ZNF385D: variants seen among roughly 807,000 people sequenced by gnomAD.
ZNF385D encodes zinc finger protein 659.
ZNF385D carries 15 observed loss-of-function variants against 35.8 expected under a neutral mutation model. The ratio of observed to expected loss-of-function variants is 0.42; its 90% CI spans 0.28 to 0.64. The LOEUF (loss-of-function observed/expected upper bound fraction) is 0.64. Ranked by LOEUF, ZNF385D falls within the 30% of genes least tolerant of loss-of-function variation. The pLI, the probability that ZNF385D is intolerant of heterozygous loss-of-function variation, is 0.23. For missense variants in ZNF385D, 474 were observed against 494.6 expected (o/e 0.96, Z 0.39); for synonymous variants, 212 against 186.8 (o/e 1.13, Z -1.10).
At chr3:21,686,903 T>G (rs1332135774) in intron 1 of ZNF385D, among the ~76,000 whole-genome samples, 3 of 152,194 alleles carry the variant, frequency 2.0e-5, no homozygotes, top group Non-Finnish European at 4.4e-5. Context: ...ATACAGCCAC[T>G]AGTACTTGCT....
intron 2 of ZNF385D, among the ~76,000 whole-genome samples, chr3:22,209,367 G>C (rs1697368204): frequency 6.6e-6 from 1 of 151,946 alleles, no homozygotes; most frequent in Admixed American, 6.6e-5. Flanking sequence ...AATACAATAG[G>C]AGTTGATTCA....
chr3:22,203,844 T>A (rs1696968824), intron 2 of ZNF385D, among the ~76,000 whole-genome samples: 1 of 152,148 alleles, frequency 6.6e-6, no homozygotes, highest in South Asian at 2.1e-4. Flanking sequence ...GGTAGATTTC[T>A]GAGATTCCAA....
At chr3:22,238,243 T>C (rs1321438629) in intron 2 of ZNF385D, among the ~76,000 whole-genome samples, 1 of 151,188 alleles carries the variant, frequency 6.6e-6, no homozygotes, top group African/African-American at 2.4e-5. Flanking sequence ...AGTGCAAGTC[T>C]TCCAACTTTG....
At chr3:22,360,923 A>G (rs760516729) in intron 2 of ZNF385D, among the ~76,000 whole-genome samples, 2 of 152,134 alleles carry the variant, frequency 1.3e-5, no homozygotes, top group Middle Eastern at 3.4e-3. Flanking sequence ...ACCTTCTAAT[A>G]TTATTTGATT....
At chr3:21,979,091 A>G (rs567705677) in intron 3 of ZNF385D, among the ~76,000 whole-genome samples, 83 of 152,278 alleles carry the variant, frequency 5.5e-4, no homozygotes, top group African/African-American at 1.9e-3. Flanking sequence ...TCTCCAGTAC[A>G]TGCCAATTTT....
intron 2 of ZNF385D, among the ~76,000 whole-genome samples, chr3:22,256,881 T>C (rs1700344468): frequency 6.6e-6 from 1 of 151,912 alleles, no homozygotes; most frequent in Non-Finnish European, 1.5e-5. Flanking sequence ...AGTAAATGTA[T>C]GATGTCACAT....
intron 2 of ZNF385D, among the ~76,000 whole-genome samples, chr3:22,290,821 T>C (rs1001464440): frequency 6.6e-6 from 1 of 152,154 alleles, no homozygotes; most frequent in Admixed American, 6.5e-5. Flanking sequence ...AGTAGCCTCG[T>C]ATTCCATGTT....
intron 3 of ZNF385D, among the ~76,000 whole-genome samples, chr3:21,989,865 C>G (rs986632748): frequency 6.6e-6 from 1 of 152,150 alleles, no homozygotes; most frequent in African/African-American, 2.4e-5. Flanking sequence ...TGGTATATGT[C>G]AAGCCGTTGA....
At chr3:21,604,267 AG>A (rs2064408619) in intron 2 of ZNF385D, among the ~76,000 whole-genome samples, 1 of 152,118 alleles carries the variant, frequency 6.6e-6, no homozygotes, top group South Asian at 2.1e-4. Flanking sequence ...TGTGTGTAGA[AG>A]CAGAGATGGA....
chr3:21,556,068 G>GTTTTTTTTTTTTTTTTTTTTTT (rs148079775), intron 3 of ZNF385D, among the ~76,000 whole-genome samples: 15 of 99,050 alleles, frequency 1.5e-4, no homozygotes, highest in Admixed American at 2.3e-4. Context: ...TTTTGTTTTT[G>GTTTTTTTTTTTTTTTTTTTTTT]TTTTTTTTTT....
intron 3 of ZNF385D, among the ~76,000 whole-genome samples, chr3:21,952,787 A>C (rs1439536593): frequency 6.6e-6 from 1 of 151,966 alleles, no homozygotes; most frequent in Non-Finnish European, 1.5e-5. Flanking sequence ...AATATATTTT[A>C]TGATTCTTTC....
intron 2 of ZNF385D, among the ~76,000 whole-genome samples, chr3:22,207,201 G>A (rs1261830158): frequency 6.6e-6 from 1 of 151,788 alleles, no homozygotes; most frequent in Non-Finnish European, 1.5e-5. Flanking sequence ...AAGATTGTAT[G>A]CAGTAGGTTG....
At chr3:21,529,983 T>TG (rs972365681) in intron 3 of ZNF385D, among the ~76,000 whole-genome samples, 51 of 151,848 alleles carry the variant, frequency 3.4e-4, no homozygotes, top group African/African-American at 1.0e-3. Flanking sequence ...GTTTGGGTCA[T>TG]GGGGGGGGTG....
chr3:21,935,349 C>G (rs1032025982), intron 3 of ZNF385D, among the ~76,000 whole-genome samples: 23 of 152,096 alleles, frequency 1.5e-4, no homozygotes, highest in African/African-American at 5.6e-4. Context: ...CACTGTGGTA[C>G]GTGCCTTATT....
chr3:21,592,565 A>AC (rs1344091992), intron 2 of ZNF385D, among the ~76,000 whole-genome samples: 2 of 121,158 alleles, frequency 1.7e-5, no homozygotes, highest in African/African-American at 7.5e-5. Flanking sequence ...ACCAAAAACA[A>AC]AAAAAAAAAA....
intron 3 of ZNF385D, among the ~76,000 whole-genome samples, chr3:21,889,061 G>A (rs183840497): frequency 1.3e-5 from 2 of 152,346 alleles, no homozygotes; most frequent in East Asian, 3.9e-4. Flanking sequence ...GAGATGTACA[G>A]TAAGGACATT....
chr3:21,620,295 C>T (rs1364157159), intron 2 of ZNF385D, among the ~76,000 whole-genome samples: 1 of 152,074 alleles, frequency 6.6e-6, no homozygotes, highest in Non-Finnish European at 1.5e-5. Flanking sequence ...GGGCTGACCA[C>T]TACTCAAATG....
intron 3 of ZNF385D, among the ~76,000 whole-genome samples, chr3:21,911,482 C>A (rs1397596737): frequency 6.6e-6 from 1 of 151,834 alleles, no homozygotes; most frequent in Non-Finnish European, 1.5e-5. Flanking sequence ...GTAAGTTATA[C>A]AAATTCTAAA....
At chr3:21,452,192 A>G (rs1702501709) in intron 4 of ZNF385D, among the ~76,000 whole-genome samples, 1 of 152,070 alleles carries the variant, frequency 6.6e-6, no homozygotes, top group Non-Finnish European at 1.5e-5. Context: ...CAAGGTTTCT[A>G]GCCTTCTGTT....
Sources: allele counts gnomAD v4.1 joint callset (sites outside exome capture counted in the v4.1 genomes callset), GRCh38; gene constraint gnomAD v4.1.1; transcripts MANE v1.5; gene names NCBI Gene and HGNC (gene_info 2026-07-23, HGNC 2026-07-21).